The following EYS variants were observed in gnomAD, a reference collection of about 807,000 sequenced individuals.
The protein encoded by EYS is protein eyes shut homolog.
A neutral mutation model predicts 282.1 loss-of-function variants in EYS; 250 were observed. The observed-to-expected ratio is 0.89, with a 90% CI of 0.80 to 0.98. The LOEUF (loss-of-function observed/expected upper bound fraction) is 0.98, where lower values mean the gene tolerates loss of function less well. Among genes scored for constraint, EYS ranks in the 50% least tolerant of loss-of-function variants. The pLI is 0.00. For synonymous variants in EYS, 1,355 were observed against 1,282.9 expected, an observed-to-expected ratio of 1.06 and a Z score of -1.20; for missense variants, 4,016 against 3,709.0, an observed-to-expected ratio of 1.08 and a Z score of -2.15.
intron 11 of EYS, among the ~76,000 whole-genome samples, chr6:65,309,207 G>T (rs556238000): frequency 6.6e-6 from 1 of 152,060 alleles, no homozygotes; most frequent in Admixed American, 6.6e-5. Context: ...GTTCCATCAA[G>T]ACAGTTTTGC....
chr6:64,169,824 G>C (rs1464708834), intron 31 of EYS, among the ~76,000 whole-genome samples: 1 of 152,076 alleles, frequency 6.6e-6, no homozygotes, highest in African/African-American at 2.4e-5. Context: ...GTGGAGATGG[G>C]GGTGCAAATG....
intron 31 of EYS, among the ~76,000 whole-genome samples, chr6:64,104,510 T>TA (rs1772939543): frequency 6.6e-6 from 1 of 152,160 alleles, no homozygotes; most frequent in Non-Finnish European, 1.5e-5. Flanking sequence ...AGTCATTAGC[T>TA]AAAATCTTGC....
intron 5 of EYS, among the ~76,000 whole-genome samples, chr6:65,484,998 C>G (rs528157935): frequency 6.6e-6 from 1 of 152,192 alleles, no homozygotes; most frequent in East Asian, 1.9e-4. Flanking sequence ...TATTTACTAT[C>G]TAACTCTTTA....
At chr6:64,307,650 G>A (rs894112157) in intron 29 of EYS, among the ~76,000 whole-genome samples, 1 of 152,024 alleles carries the variant, frequency 6.6e-6, no homozygotes, top group South Asian at 2.1e-4. Context: ...TGTAACATGA[G>A]GATTATAGTT....
At chr6:64,785,834 T>C (rs1040305960) in intron 22 of EYS, among the ~76,000 whole-genome samples, 1 of 152,182 alleles carries the variant, frequency 6.6e-6, no homozygotes, top group Non-Finnish European at 1.5e-5. Context: ...TCATAGATCT[T>C]ATTTTCTGAT....
intron 28 of EYS, among the ~76,000 whole-genome samples, chr6:64,394,516 A>C (rs1443528711): frequency 6.6e-6 from 1 of 152,218 alleles, no homozygotes; most frequent in Non-Finnish European, 1.5e-5. Flanking sequence ...ACCTGACAAA[A>C]ACAAGAAATG....
chr6:64,025,664 T>C (rs923368339), intron 33 of EYS, among the ~76,000 whole-genome samples: 2 of 152,176 alleles, frequency 1.3e-5, no homozygotes, highest in African/African-American at 4.8e-5. Flanking sequence ...CTACCTGGAA[T>C]TTAGGATCCC....
intron 12 of EYS, among the ~76,000 whole-genome samples, chr6:65,194,082 T>A (rs621362): frequency 0.38 from 57,315 of 151,726 alleles, 12,024 homozygotes; most frequent in African/African-American, 0.57. Context: ...TAAACTTTGC[T>A]TTATAGATTG....
intron 35 of EYS, among the ~76,000 whole-genome samples, chr6:63,909,325 A>G (rs568317259): frequency 1.3e-5 from 2 of 152,144 alleles, no homozygotes; most frequent in Non-Finnish European, 2.9e-5. Context: ...TCATTTATCT[A>G]TCATCTATTT....
chr6:65,468,865 T>A (rs749934741), intron 5 of EYS, among the ~76,000 whole-genome samples: 2 of 152,204 alleles, frequency 1.3e-5, no homozygotes, highest in Non-Finnish European at 2.9e-5. Context: ...ATATCTTTAA[T>A]GTCCTTCACA....
intron 12 of EYS, among the ~76,000 whole-genome samples, chr6:65,247,655 A>G (rs963569313): frequency 3.3e-5 from 5 of 152,084 alleles, no homozygotes; most frequent in African/African-American, 1.2e-4. Context: ...TAACCTAATT[A>G]CCAGACACCT....
intron 36 of EYS, among the ~76,000 whole-genome samples, chr6:63,824,079 A>G (rs1437868207): frequency 3.3e-5 from 5 of 152,250 alleles, no homozygotes; most frequent in Admixed American, 2.6e-4. Flanking sequence ...GGAGTTGGAA[A>G]TAAAGGAAGA....
At chr6:65,193,394 G>C (rs1231411141) in intron 12 of EYS, among the ~76,000 whole-genome samples, 1 of 151,730 alleles carries the variant, frequency 6.6e-6, no homozygotes, top group Non-Finnish European at 1.5e-5. Flanking sequence ...AACTTGGCTA[G>C]TTTTCACCCA....
intron 2 of EYS, among the ~76,000 whole-genome samples, chr6:65,542,350 A>T (rs578231184): frequency 6.6e-6 from 1 of 152,162 alleles, no homozygotes; most frequent in Non-Finnish European, 1.5e-5. Context: ...TTAAATTTGT[A>T]TTTGAGTGAA....
At chr6:64,164,742 A>G (rs1395653815) in intron 31 of EYS, among the ~76,000 whole-genome samples, 1 of 152,178 alleles carries the variant, frequency 6.6e-6, no homozygotes, top group Non-Finnish European at 1.5e-5. Context: ...CAGAAATAAA[A>G]TGGAACAACA....
intron 12 of EYS, among the ~76,000 whole-genome samples, chr6:65,151,281 G>T (rs975801382): frequency 6.6e-6 from 1 of 152,022 alleles, no homozygotes; most frequent in Non-Finnish European, 1.5e-5. Flanking sequence ...AGATTAACAT[G>T]CAGGAGGTTA....
intron 30 of EYS, among the ~76,000 whole-genome samples, chr6:64,298,299 A>G (rs1436011167): frequency 6.6e-6 from 1 of 151,738 alleles, no homozygotes; most frequent in Non-Finnish European, 1.5e-5. Context: ...ATAACTTTAT[A>G]TTTTGTTTTC....
At position 64,266,691 on chromosome 6, in the gene EYS, G is replaced by A. The variant is rs190674319; in HGVS notation, c.6192-35867C>T. On this transcript the variant is annotated intron_variant, in intron 30 of 42. Transcript: ENST00000503581. ...GGCAACCTCACTCATCCAGAACACAGCTCTAATGAAGGCTTGGTGAAGCAA... is the reference window on the plus strand; with the variant it reads ...GGCAACCTCACTCATCCAGAACACAACTCTAATGAAGGCTTGGTGAAGCAA... 5.8e-4 allele frequency among the ~76,000 whole-genome samples: 89 copies of A among 152,216 alleles called. 1 individual carries two copies. Among genetic ancestry groups the A allele is most frequent in the Non-Finnish European group, 1.2e-4 (8 of 67,994 alleles).
At chr6:65,670,151 C>T (rs757438227) in intron 1 of EYS, among the ~76,000 whole-genome samples, 5 of 151,952 alleles carry the variant, frequency 3.3e-5, no homozygotes, top group Admixed American at 6.6e-5. Flanking sequence ...TTTCTAAGGG[C>T]CATTTCTCTC....
Sources: allele counts gnomAD v4.1 joint callset (sites outside exome capture counted in the v4.1 genomes callset), GRCh38; gene constraint gnomAD v4.1.1; transcripts MANE v1.5; gene names NCBI Gene and HGNC (gene_info 2026-07-23, HGNC 2026-07-21).